UPP2: variants seen among roughly 807,000 people sequenced by gnomAD.
The protein encoded by UPP2 is UPase 2.
A neutral mutation model predicts 26.7 loss-of-function variants in UPP2; 23 were observed. That is an observed-to-expected ratio of 0.86 (90% CI 0.62 to 1.22). UPP2 has a LOEUF of 1.22. Among genes scored for constraint, UPP2 ranks in the 50% most tolerant of loss-of-function variants. The pLI, the probability that UPP2 is intolerant of heterozygous loss-of-function variation, is 0.00. For missense variants in UPP2, 387 were observed against 396.7 expected (o/e 0.98, Z 0.21); for synonymous variants, 127 against 141.3 (o/e 0.90, Z 0.72).
At chr2:158,043,196 A>C (rs968276913) in intron 3 of UPP2, among the ~76,000 whole-genome samples, 4 of 152,192 alleles carry the variant, frequency 2.6e-5, no homozygotes, top group Non-Finnish European at 1.5e-5. Flanking sequence ...GGAGCATTTC[A>C]ATGAGAAATC....
chr2:158,080,915 G>C (rs1299655645), intron 3 of UPP2, among the ~76,000 whole-genome samples: 1 of 152,108 alleles, frequency 6.6e-6, no homozygotes, highest in Non-Finnish European at 1.5e-5. Context: ...TCAGTTATTT[G>C]TTAGAAAACC....
At chr2:158,078,333 T>C (rs548728858) in intron 3 of UPP2, among the ~76,000 whole-genome samples, 1 of 152,290 alleles carries the variant, frequency 6.6e-6, no homozygotes, top group Non-Finnish European at 1.5e-5. Flanking sequence ...TTTGTACTCC[T>C]GTGTTTGTTG....
chr2:158,089,647 C>A (rs1462408725), intron 3 of UPP2, among the ~76,000 whole-genome samples: 72 of 152,212 alleles, frequency 4.7e-4, no homozygotes, highest in Admixed American at 4.7e-3. Context: ...AATGGCATCC[C>A]TGGAGAATGA....
At chr2:158,017,582 T>C (rs1031548007) in intron 3 of UPP2, among the ~76,000 whole-genome samples, 2 of 152,232 alleles carry the variant, frequency 1.3e-5, no homozygotes, top group African/African-American at 2.4e-5. Flanking sequence ...CTAGGTATTA[T>C]AGAAACATAA....
chr2:158,122,141 A>G (rs1222595201), intron 5 of UPP2, among the ~76,000 whole-genome samples: 1 of 151,984 alleles, frequency 6.6e-6, no homozygotes, highest in Non-Finnish European at 1.5e-5. Flanking sequence ...GATGACTGCT[A>G]TGTAGCAGCA....
At chr2:158,104,674 C>A (rs890495557) in intron 1 of UPP2, among the ~76,000 whole-genome samples, 12 of 152,060 alleles carry the variant, frequency 7.9e-5, no homozygotes, top group Non-Finnish European at 1.6e-4. Flanking sequence ...GTAATCCCAG[C>A]ACTTTGGGAG....
chr2:158,046,665 G>C (rs946581210), intron 3 of UPP2, among the ~76,000 whole-genome samples: 1 of 152,210 alleles, frequency 6.6e-6, no homozygotes, highest in African/African-American at 2.4e-5. Flanking sequence ...AAAATGTTCT[G>C]TCTTGACAAC....
intron 3 of UPP2, among the ~76,000 whole-genome samples, chr2:158,027,647 C>T (rs188692297): frequency 1.2e-4 from 19 of 152,260 alleles, no homozygotes; most frequent in East Asian, 9.7e-4. Context: ...CTCCACTAGA[C>T]GGTACCCCAG....
chr2:158,068,716 A>G (rs1682477085), intron 3 of UPP2, among the ~76,000 whole-genome samples: 1 of 137,448 alleles, frequency 7.3e-6, no homozygotes, highest in South Asian at 2.5e-4. Context: ...GTTACTGAGG[A>G]CTATGATAAA....
intron 3 of UPP2, among the ~76,000 whole-genome samples, chr2:158,057,744 G>T (rs11892606): frequency 0.73 from 106,857 of 146,316 alleles, 38,818 homozygotes; most frequent in African/African-American, 0.84. Flanking sequence ...ATTCTTTTTT[G>T]TTTTTTAACT....
chr2:158,072,592 T>C (rs1320073852), intron 3 of UPP2, among the ~76,000 whole-genome samples: 1 of 152,096 alleles, frequency 6.6e-6, no homozygotes, highest in African/African-American at 2.4e-5. Flanking sequence ...ACAGGGCTCC[T>C]GGCATCACTC....
intron 5 of UPP2, 141 bp from the exon 6 acceptor site, chr2:158,123,608 A>G: frequency 1.1e-6 from 1 of 949,936 alleles, no homozygotes. Flanking sequence ...GAAGAGTCAC[A>G]CAGCTCAGTT....
At chr2:157,995,823 A>C (rs539196908) in intron 2 of UPP2, among the ~76,000 whole-genome samples, 31 of 152,190 alleles carry the variant, frequency 2.0e-4, no homozygotes, top group African/African-American at 7.2e-4. Flanking sequence ...AAAAAAAGCT[A>C]TAATAGTTTT....
chr2:158,001,950 T>G (rs1026514514), intron 2 of UPP2, among the ~76,000 whole-genome samples: 1 of 85,632 alleles, frequency 1.2e-5, no homozygotes, highest in African/African-American at 4.9e-5. Flanking sequence ...CTGGGGAGAA[T>G]GAGCACCAAA....
At chr2:158,023,599 G>C (rs1461914373) in intron 3 of UPP2, among the ~76,000 whole-genome samples, 1 of 152,140 alleles carries the variant, frequency 6.6e-6, no homozygotes, top group African/African-American at 2.4e-5. Context: ...CTGGAAGCTG[G>C]TCTCTTGCCT....
intron 3 of UPP2, among the ~76,000 whole-genome samples, chr2:158,065,027 T>A (rs1391952505): frequency 6.6e-6 from 1 of 152,166 alleles, no homozygotes; most frequent in East Asian, 1.9e-4. Flanking sequence ...GCGTGATGCT[T>A]CCGAATAGGA....
chr2:158,028,717 T>C (rs1410490338), intron 3 of UPP2, among the ~76,000 whole-genome samples: 1 of 151,984 alleles, frequency 6.6e-6, no homozygotes, highest in Non-Finnish European at 1.5e-5. Context: ...GAAAAAGAGG[T>C]TTAATTGGAC....
At chr2:158,100,771 T>A (rs1237851049), upstream of UPP2, among the ~76,000 whole-genome samples, 1 of 152,244 alleles carries the variant, frequency 6.6e-6, no homozygotes, top group Non-Finnish European at 1.5e-5. Flanking sequence ...CTGGGCACAG[T>A]TGCAAACGTC....
intron 2 of UPP2, among the ~76,000 whole-genome samples, chr2:158,009,615 C>A (rs2105139807): frequency 6.6e-6 from 1 of 152,324 alleles, no homozygotes; most frequent in South Asian, 2.1e-4. Flanking sequence ...AAAGTACTTT[C>A]TGCAGGTCTA....
Sources: gnomAD v4.1 joint callset for allele counts (sites outside exome capture counted in the v4.1 genomes callset) on GRCh38, gnomAD v4.1.1 for gene constraint, MANE v1.5 for transcripts, NCBI Gene and HGNC (gene_info 2026-07-23, HGNC 2026-07-21) for gene names.